The following SPATA17 variants were observed in gnomAD, a reference collection of about 807,000 sequenced individuals.
The protein encoded by SPATA17 is spermatogenesis associated 17, also known as spermatogenesis-associated protein 17.
In SPATA17, 53 loss-of-function variants were observed where a neutral mutation model predicts 62.2. That is an observed-to-expected ratio of 0.85 (90% CI 0.68 to 1.07). The LOEUF (loss-of-function observed/expected upper bound fraction) is 1.07. Among genes scored for constraint, SPATA17 ranks in the 50% least tolerant of loss-of-function variants. The pLI is 0.00. For missense variants in SPATA17, 466 were observed against 425.5 expected, an observed-to-expected ratio of 1.10 and a Z score of -0.84; for synonymous variants, 146 against 146.8, an observed-to-expected ratio of 0.99 and a Z score of 0.04.
chr1:217,656,487 T>C (rs1221733340), intron 3 of SPATA17, among the ~76,000 whole-genome samples: 2 of 152,106 alleles, frequency 1.3e-5, no homozygotes, highest in Admixed American at 6.5e-5. Context: ...CTCGTTTAGA[T>C]TGGTTCATGA....
At chr1:217,814,149 AT>A (rs1437763952) in intron 9 of SPATA17, among the ~76,000 whole-genome samples, 1 of 152,202 alleles carries the variant, frequency 6.6e-6, no homozygotes, top group Admixed American at 6.5e-5. Flanking sequence ...ATTAGTTATA[AT>A]CATTAACCTA....
chr1:217,690,952 G>T (rs1023012452), intron 5 of SPATA17, among the ~76,000 whole-genome samples: 3 of 146,728 alleles, frequency 2.0e-5, no homozygotes, highest in Non-Finnish European at 4.5e-5. Context: ...ATAAACGTAC[G>T]TGTGCATGTG....
chr1:217,697,223 C>T lies in SPATA17; in HGVS notation c.395+13862C>T, dbSNP rs561238872. ...GTTGAACTCCTGACCTCAGGTGATC[C>T]GACTGCCTCGGCCTCCCAAAGTGCT... On this transcript the variant is annotated intron_variant, in intron 5 of 10. Transcript: ENST00000366933. Among the ~76,000 whole-genome samples the T allele has an allele frequency of 3.3e-5, 5 of 152,220 alleles. 1 individual carries two copies. The highest frequency in any genetic ancestry group is 1.2e-4 in the African/African-American group (5 of 41,536).
intron 4 of SPATA17, among the ~76,000 whole-genome samples, chr1:217,678,907 A>G (rs1457752199): frequency 6.8e-6 from 1 of 147,612 alleles, no homozygotes; most frequent in Non-Finnish European, 1.5e-5. Flanking sequence ...ACATGAATAC[A>G]AATCATTTTT....
chr1:217,648,476 T>C (rs1670238133), intron 1 of SPATA17, among the ~76,000 whole-genome samples: 1 of 152,246 alleles, frequency 6.6e-6, no homozygotes, highest in African/African-American at 2.4e-5. Flanking sequence ...AACTGATGAA[T>C]GAGTGAAATA....
chr1:217,638,629 C>G (rs1669990882), intron 1 of SPATA17, among the ~76,000 whole-genome samples: 2 of 152,074 alleles, frequency 1.3e-5, no homozygotes, highest in Non-Finnish European at 2.9e-5. Context: ...AGATAAACTT[C>G]ACAAGACATT....
chr1:217,842,571 T>G (rs1482249409), intron 9 of SPATA17, among the ~76,000 whole-genome samples: 1 of 151,980 alleles, frequency 6.6e-6, no homozygotes, highest in African/African-American at 2.4e-5. Context: ...GGCAAAAAAT[T>G]GCTCATGATC....
chr1:217,769,979 T>C (rs1204797437), intron 6 of SPATA17, among the ~76,000 whole-genome samples: 1 of 152,232 alleles, frequency 6.6e-6, no homozygotes, highest in Non-Finnish European at 1.5e-5. Flanking sequence ...GGGATTTTTA[T>C]AAATCCTCTG....
intron 3 of SPATA17, among the ~76,000 whole-genome samples, chr1:217,654,476 T>A (rs1397380138): frequency 6.6e-6 from 1 of 152,108 alleles, no homozygotes; most frequent in African/African-American, 2.4e-5. Flanking sequence ...CAGGCCACTT[T>A]AAAAAAAGTT....
At chr1:217,786,106 T>C (rs1245270551) in intron 8 of SPATA17, among the ~76,000 whole-genome samples, 1 of 152,138 alleles carries the variant, frequency 6.6e-6, no homozygotes, top group Non-Finnish European at 1.5e-5. Flanking sequence ...TCAACAGATG[T>C]TTACATGTCA....
intron 7 of SPATA17, among the ~76,000 whole-genome samples, chr1:217,780,751 C>A (rs1208914725): frequency 6.6e-6 from 1 of 152,026 alleles, no homozygotes; most frequent in Non-Finnish European, 1.5e-5. Flanking sequence ...TAGTGGGAAC[C>A]ATTTTGAGTG....
intron 7 of SPATA17, among the ~76,000 whole-genome samples, chr1:217,779,706 G>C (rs536249282): frequency 6.6e-6 from 1 of 150,530 alleles, no homozygotes; most frequent in Non-Finnish European, 1.5e-5. Flanking sequence ...CCATATTCCT[G>C]TGTGTTACCA....
chr1:217,796,666 G>T (rs543708735), intron 8 of SPATA17, among the ~76,000 whole-genome samples: 1 of 152,216 alleles, frequency 6.6e-6, no homozygotes, highest in South Asian at 2.1e-4. Context: ...TATAGCTATG[G>T]TTTGTCCTCA....
At chr1:217,825,772 A>G (rs1233920164) in intron 9 of SPATA17, among the ~76,000 whole-genome samples, 1 of 152,000 alleles carries the variant, frequency 6.6e-6, no homozygotes, top group Non-Finnish European at 1.5e-5. Flanking sequence ...TATTAACCTA[A>G]AAGTTTTACC....
At chr1:217,637,435 A>G (rs1301266748) in intron 1 of SPATA17, among the ~76,000 whole-genome samples, 1 of 152,188 alleles carries the variant, frequency 6.6e-6, no homozygotes, top group African/African-American at 2.4e-5. Context: ...TTCTAAGATC[A>G]GGTTGAGAAA....
At chr1:217,776,579 C>A (rs1347710158) in intron 7 of SPATA17, among the ~76,000 whole-genome samples, 1 of 151,464 alleles carries the variant, frequency 6.6e-6, no homozygotes, top group Non-Finnish European at 1.5e-5. Flanking sequence ...TGGCTCATGC[C>A]TATAATCCCA....
At chr1:217,641,689 C>T (rs1377923779) in intron 1 of SPATA17, among the ~76,000 whole-genome samples, 2 of 151,910 alleles carry the variant, frequency 1.3e-5, no homozygotes, top group East Asian at 1.9e-4. Context: ...AAGTATAATA[C>T]AAGGGTATTT....
chr1:217,738,254 C>A (rs927514512), intron 5 of SPATA17, among the ~76,000 whole-genome samples: 2 of 152,090 alleles, frequency 1.3e-5, no homozygotes, highest in African/African-American at 4.8e-5. Flanking sequence ...TCCTATTTTC[C>A]AGTTATCAGG....
At chr1:217,714,598 C>A (rs1178114471) in intron 5 of SPATA17, among the ~76,000 whole-genome samples, 3 of 150,180 alleles carry the variant, frequency 2.0e-5, no homozygotes, top group Non-Finnish European at 4.4e-5. Flanking sequence ...CATTCTCCTG[C>A]CTCAGCCTCC....
Sources: gnomAD v4.1 joint callset for allele counts (sites outside exome capture counted in the v4.1 genomes callset) on GRCh38, gnomAD v4.1.1 for gene constraint, MANE v1.5 for transcripts, NCBI Gene and HGNC (gene_info 2026-07-23, HGNC 2026-07-21) for gene names.